The following DCAF5 variants were observed in gnomAD, a reference collection of about 807,000 sequenced individuals.
The protein encoded by DCAF5 is DDB1- and CUL4-associated factor 5.
In DCAF5, 9 loss-of-function variants were observed where a neutral mutation model predicts 80.7. The observed-to-expected ratio is 0.11, with a 90% CI of 0.07 to 0.19. The LOEUF (loss-of-function observed/expected upper bound fraction) is 0.19, where lower values mean the gene tolerates loss of function less well. Among genes scored for constraint, DCAF5 ranks in the 10% least tolerant of loss-of-function variants. The pLI, the probability that DCAF5 is intolerant of heterozygous loss-of-function variation, is 1.00. For missense variants in DCAF5, 842 were observed against 1,205.7 expected (o/e 0.70, Z 4.47); for synonymous variants, 433 against 461.9 (o/e 0.94, Z 0.80).
chr14:69,055,022 G>A lies in DCAF5; in HGVS notation c.1664C>T (p.Pro555Leu). ...GCTGGAACTGCTGGATTCATCTTCGGGGCTGGGTGACCGTGGCCGGGGAAA... is the reference window on the plus strand; with the variant it reads ...GCTGGAACTGCTGGATTCATCTTCGAGGCTGGGTGACCGTGGCCGGGGAAA... ...DLFPRPRSPSPEDESSSSSSS... is the reference protein window; with the variant it reads ...DLFPRPRSPSLEDESSSSSSS... The change falls in exon 9 of 9, where the codon CCC becomes CTC. Residue 555 changes from proline (P) to leucine (L), a missense_variant. Physicochemically the swap from Pro to Leu is moderately conservative, Grantham distance 98. Around this residue, in one of 5 missense-constraint regions of DCAF5, gnomAD observed 607 missense variants for 656.6 expected, o/e 0.92. Coordinates refer to ENST00000341516, the MANE Select transcript of DCAF5 (RefSeq NM_003861.3). The surrounding 1 kb of genome is among the most constrained non-coding windows in gnomAD (Gnocchi z 5.6). 1 of 1,614,240 alleles carries A rather than the reference G, an allele frequency of 6.2e-7. No homozygotes were observed.
At chr14:69,119,112 C>G (rs1188573553) in intron 3 of DCAF5, 82 bp downstream of exon 3, 7 of 1,402,794 alleles carry the variant, frequency 5.0e-6, no homozygotes, top group African/African-American at 4.4e-5. Flanking sequence ...AAAACAAAAA[C>G]TATTTTAGTC....
intron 5 of DCAF5, among the ~76,000 whole-genome samples, chr14:69,102,679 A>C (rs2040003568): frequency 6.6e-6 from 1 of 150,484 alleles, no homozygotes; most frequent in Non-Finnish European, 1.5e-5. Context: ...CTACCTTCAC[A>C]TCTGTTCTAC....
At chr14:69,103,727 T>C (rs959037712) in intron 5 of DCAF5, among the ~76,000 whole-genome samples, 1 of 152,208 alleles carries the variant, frequency 6.6e-6, no homozygotes, top group African/African-American at 2.4e-5. Flanking sequence ...GCAATTAAGA[T>C]ATTTATCTGT....
intron 5 of DCAF5, among the ~76,000 whole-genome samples, chr14:69,112,637 C>T (rs2040413519): frequency 7.2e-6 from 1 of 137,992 alleles, no homozygotes; most frequent in South Asian, 2.1e-4. Flanking sequence ...ACAAATAACA[C>T]ACAAGTTATT....
In DCAF5 at chr14:69,118,764, T is replaced by C. The variant is rs2140061410; in HGVS notation, c.395+430A>G. On this transcript the variant is annotated intron_variant, in intron 3 of 8. Coordinates refer to ENST00000341516, the MANE Select transcript of DCAF5 (RefSeq NM_003861.3). The surrounding 1 kb of genome is among the most constrained non-coding windows in gnomAD (Gnocchi z 4.0). ...ACCTGACCTTCTGTTATCTAACATGTCTGTGACTCCGTTTCCTGATCTAGA... is the reference window on the plus strand; with the variant it reads ...ACCTGACCTTCTGTTATCTAACATGCCTGTGACTCCGTTTCCTGATCTAGA... 6.6e-6 allele frequency among the ~76,000 whole-genome samples: 1 copy of C among 152,324 alleles called. No individual in the cohort carries two copies. The highest frequency in any genetic ancestry group is 1.9e-4 in the East Asian group (1 of 5,186).
In DCAF5 at chr14:69,152,458, A is replaced by ACACG; in HGVS notation, c.214+306_214+307insCGTG. 3.5e-6 allele frequency: 1 copy of ACACG among 282,250 alleles called. No homozygotes were observed. The highest frequency in any genetic ancestry group is 6.7e-6 in the Non-Finnish European group (1 of 149,974). The allele number at this position is 282,250 out of a possible 1,614,324, so 17.5% of individuals were successfully genotyped here. On this transcript the variant is annotated intron_variant, in intron 1 of 8. Coordinates refer to ENST00000341516, the MANE Select transcript of DCAF5 (RefSeq NM_003861.3). This position sits in a 1 kb window ranked among gnomAD's most constrained non-coding sequence, Gnocchi z 4.1. The stretch of plus-strand genomic sequence containing the variant: ...AAGAGTTTGCCGTCAAACTTTGTAG[A>ACACG]GCGGTAACCTCGCCCCCCTCCCCGA...
At chr14:69,088,945 T>G (rs2039436488) in intron 6 of DCAF5, among the ~76,000 whole-genome samples, 1 of 152,146 alleles carries the variant, frequency 6.6e-6, no homozygotes, top group African/African-American at 2.4e-5. Context: ...AAATCACCTT[T>G]GAGACATGTT....
chr14:69,111,799 TG>T (rs1387865521), intron 5 of DCAF5, among the ~76,000 whole-genome samples: 1 of 152,212 alleles, frequency 6.6e-6, no homozygotes, highest in Non-Finnish European at 1.5e-5. Context: ...GAACATGCAA[TG>T]TACACTTGTA....
At chr14:69,096,916 T>C (rs1344710881) in intron 5 of DCAF5, among the ~76,000 whole-genome samples, 1 of 151,938 alleles carries the variant, frequency 6.6e-6, no homozygotes, top group Non-Finnish European at 1.5e-5. Flanking sequence ...TGAATAGTCG[T>C]TGGCAAGAAG....
At chr14:69,086,633 A>G (rs2039333406) in intron 6 of DCAF5, among the ~76,000 whole-genome samples, 1 of 152,050 alleles carries the variant, frequency 6.6e-6, no homozygotes, top group South Asian at 2.1e-4. Context: ...AAAAAAAAAA[A>G]AAAAAGCAAA....
chr14:69,116,240 A>G (rs2040541065), intron 5 of DCAF5, 126 bp downstream of exon 5: 3 of 1,153,090 alleles, frequency 2.6e-6, no homozygotes, highest in East Asian at 2.4e-5. Context: ...GAGACACTAT[A>G]TATCTTAAGA....
intron 6 of DCAF5, among the ~76,000 whole-genome samples, chr14:69,087,468 A>T (rs1258275721): frequency 6.6e-6 from 1 of 152,230 alleles, no homozygotes; most frequent in African/African-American, 2.4e-5. Context: ...CTTGCTTTAA[A>T]CAAAAAAAGT....
At chr14:69,071,931 G>A (rs1469486123) in intron 7 of DCAF5, among the ~76,000 whole-genome samples, 1 of 152,220 alleles carries the variant, frequency 6.6e-6, no homozygotes, top group Non-Finnish European at 1.5e-5. Flanking sequence ...AACAGGAGGA[G>A]TTAAAACCAT....
intron 1 of DCAF5, among the ~76,000 whole-genome samples, chr14:69,127,594 T>C (rs1252525825): frequency 6.6e-6 from 1 of 152,196 alleles, no homozygotes; most frequent in Non-Finnish European, 1.5e-5. Context: ...ACCCATAGAA[T>C]ATACAATACC....
intron 6 of DCAF5, chr14:69,091,009 ACTT>A: frequency 2.8e-6 from 2 of 705,272 alleles, no homozygotes; most frequent in Non-Finnish European, 5.2e-6. Flanking sequence ...ACACTTCAGA[ACTT>A]CTATGGTTAA....
intron 1 of DCAF5, among the ~76,000 whole-genome samples, chr14:69,139,217 T>TGTTG (rs1326508149): frequency 6.6e-6 from 1 of 151,536 alleles, no homozygotes; most frequent in African/African-American, 2.4e-5. Context: ...CCAGGTGCAG[T>TGTTG]GGTTCACACT....
intron 7 of DCAF5, among the ~76,000 whole-genome samples, chr14:69,066,223 C>T (rs1191599275): frequency 6.6e-6 from 1 of 151,918 alleles, no homozygotes; most frequent in African/African-American, 2.4e-5. Flanking sequence ...CAACCTCCTC[C>T]TCCTGGGTTC....
intron 6 of DCAF5, among the ~76,000 whole-genome samples, chr14:69,088,680 C>T (rs2039428377): frequency 1.3e-5 from 2 of 152,180 alleles, no homozygotes; most frequent in African/African-American, 4.8e-5. Context: ...TTCTCAGATT[C>T]CTGTCTGGGA....
At chr14:69,065,658 C>T (rs1263770876) in intron 7 of DCAF5, among the ~76,000 whole-genome samples, 1 of 152,178 alleles carries the variant, frequency 6.6e-6, no homozygotes, top group African/African-American at 2.4e-5. Context: ...AATATAGCTG[C>T]TACTGAACAG....
Sources: gnomAD v4.1 joint callset for allele counts (sites outside exome capture counted in the v4.1 genomes callset) on GRCh38, gnomAD v4.1.1 for gene constraint, gnomAD v4.1.1 regional missense constraint, Gnocchi (gnomAD v3.1) non-coding constraint, MANE v1.5 for transcripts, NCBI Gene and HGNC (gene_info 2026-07-23, HGNC 2026-07-21) for gene names.